Variants in ANKRD30B observed in about 807,000 individuals in gnomAD.
The protein encoded by ANKRD30B is ankyrin repeat domain 30B, also known as ankyrin repeat domain-containing protein 30B.
A neutral mutation model predicts 202.2 loss-of-function variants in ANKRD30B; 144 were observed. That is an observed-to-expected ratio of 0.71 (90% CI 0.62 to 0.82). ANKRD30B has a LOEUF of 0.82. Among genes scored for constraint, ANKRD30B ranks in the 40% least tolerant of loss-of-function variants. The pLI, the probability that ANKRD30B is intolerant of heterozygous loss-of-function variation, is 0.00. For missense variants in ANKRD30B, 1,487 were observed against 1,669.1 expected, an observed-to-expected ratio of 0.89 and a Z score of 1.90; for synonymous variants, 508 against 561.3, an observed-to-expected ratio of 0.91 and a Z score of 1.34.
chr18:14,783,644 A>G (rs1967894160), intron 12 of ANKRD30B, among the ~76,000 whole-genome samples: 2 of 152,128 alleles, frequency 1.3e-5, no homozygotes, highest in Non-Finnish European at 2.9e-5. Flanking sequence ...AACAATATAA[A>G]AAGTTATTTA....
intron 9 of ANKRD30B, among the ~76,000 whole-genome samples, chr18:14,775,545 T>A (rs1382107335): frequency 2.0e-5 from 3 of 152,246 alleles, no homozygotes; most frequent in African/African-American, 2.4e-5. Context: ...GGAACATTTC[T>A]GGAGTTGGAT....
intron 22 of ANKRD30B, among the ~76,000 whole-genome samples, chr18:14,800,603 C>T (rs1191952864): frequency 2.0e-5 from 3 of 150,484 alleles, no homozygotes; most frequent in Admixed American, 2.0e-4. Context: ...GGATTAGAGG[C>T]GTGAGCCACC....
chr18:14,929,862 G>A, the ANKRD30B span, among the ~76,000 whole-genome samples: 1 of 152,096 alleles, frequency 6.6e-6, no homozygotes, highest in Admixed American at 6.6e-5. Context: ...TGGTGACTGG[G>A]GAAATGATCC....
chr18:14,758,001 G>T, intron 5 of ANKRD30B, 49 bp downstream of exon 5: 1 of 1,525,210 alleles, frequency 6.6e-7, no homozygotes, highest in Non-Finnish European at 8.8e-7. Flanking sequence ...GTTTGTTTCA[G>T]GGAGTTTTTG....
downstream of ANKRD30B, among the ~76,000 whole-genome samples, chr18:14,858,648 A>AG (rs1384762197): frequency 4.4e-5 from 5 of 114,144 alleles, no homozygotes; most frequent in Admixed American, 4.3e-4. Flanking sequence ...TACCAGACGA[A>AG]GGGCAGCCAG....
the ANKRD30B span, among the ~76,000 whole-genome samples, chr18:14,881,018 A>T: frequency 1.3e-5 from 2 of 152,302 alleles, no homozygotes; most frequent in South Asian, 4.1e-4. Context: ...GAGAAAGGTC[A>T]TATCGTCAGC....
At chr18:14,829,264 G>GA (rs1764650499) in intron 33 of ANKRD30B, among the ~76,000 whole-genome samples, 1 of 152,166 alleles carries the variant, frequency 6.6e-6, no homozygotes, top group Non-Finnish European at 1.5e-5. Context: ...TAATATCCTG[G>GA]AAAAATTGTT....
At chr18:14,882,055 C>T in the ANKRD30B span, among the ~76,000 whole-genome samples, 7 of 152,104 alleles carry the variant, frequency 4.6e-5, no homozygotes, top group African/African-American at 1.7e-4. Context: ...AAATAACCAA[C>T]TTTTTGCTTT....
In ANKRD30B at chr18:14,757,076, A is replaced by G. The variant is rs183913458; in HGVS notation, c.618-739A>G. Reference sequence around the variant, plus strand: ...ATTTATTATTTTTTTCATTTTTTTCATAGTGTATTTTTATTTTTAATTTGT... The same window carrying G: ...ATTTATTATTTTTTTCATTTTTTTCGTAGTGTATTTTTATTTTTAATTTGT... On this transcript the variant is annotated intron_variant, in intron 4 of 43. Coordinates refer to ENST00000690538, the MANE Select transcript of ANKRD30B (RefSeq NM_001367607.2). Among the ~76,000 whole-genome samples, 575 of 152,026 alleles carry G rather than the reference A, an allele frequency of 3.8e-3. 4 individuals are homozygous for G. The highest frequency in any genetic ancestry group is 5.3e-3 in the Non-Finnish European group (357 of 67,976).
At chr18:14,772,520 G>A (rs533424346) in intron 9 of ANKRD30B, among the ~76,000 whole-genome samples, 1 of 152,058 alleles carries the variant, frequency 6.6e-6, no homozygotes, top group South Asian at 2.1e-4. Context: ...CCACAATAGA[G>A]AATATATAAA....
chr18:14,769,783 T>C (rs1916818899), intron 8 of ANKRD30B, among the ~76,000 whole-genome samples: 1 of 152,216 alleles, frequency 6.6e-6, no homozygotes, highest in African/African-American at 2.4e-5. Flanking sequence ...TTTTTAGAGT[T>C]TTCTCTTAGA....
chr18:14,838,162 C>G (rs554076318), intron 36 of ANKRD30B, among the ~76,000 whole-genome samples: 224 of 152,312 alleles, frequency 1.5e-3, no homozygotes, highest in African/African-American at 5.1e-3. Context: ...TAGTGCAAAA[C>G]AAAATAAGGC....
intron 30 of ANKRD30B, among the ~76,000 whole-genome samples, chr18:14,820,986 C>G (rs1477091633): frequency 6.6e-6 from 1 of 152,162 alleles, no homozygotes; most frequent in Non-Finnish European, 1.5e-5. Flanking sequence ...GTGAATCCAT[C>G]TGGTCCTGGA....
chr18:14,773,497 A>G (rs1320581680), intron 9 of ANKRD30B, among the ~76,000 whole-genome samples: 2 of 152,200 alleles, frequency 1.3e-5, no homozygotes, highest in Admixed American at 1.3e-4. Flanking sequence ...GCTTAAATTT[A>G]TATTTTCTTT....
chr18:14,830,583 T>G (rs1194249267), intron 33 of ANKRD30B, among the ~76,000 whole-genome samples: 1 of 152,156 alleles, frequency 6.6e-6, no homozygotes, highest in East Asian at 1.9e-4. Flanking sequence ...AAACAAAGAA[T>G]GTCATTTTCC....
Position 14,823,460 on chromosome 18 carries a change from G to A in ANKRD30B, c.2743+783G>A, listed in dbSNP as rs937050152. On this transcript the variant is annotated intron_variant, in intron 32 of 43. Coordinates refer to ENST00000690538, the MANE Select transcript of ANKRD30B (RefSeq NM_001367607.2). The stretch of plus-strand genomic sequence containing the variant: ...TCACTCTGAGAATCTAAAGAAAATC[G>A]GTTTCTTGTTTTTCTGATTAGGTGA... Among the ~76,000 whole-genome samples, 33 of 151,620 alleles carry A rather than the reference G, an allele frequency of 2.2e-4. 1 individual carries two copies. The highest frequency in any genetic ancestry group is 4.3e-4 in the Non-Finnish European group (29 of 67,926).
At position 14,837,242 on chromosome 18, in the gene ANKRD30B, A is replaced by G. The variant is rs2253874; in HGVS notation, c.2879A>G (p.Gln960Arg). 2 of 1,549,908 alleles carry G rather than the reference A, an allele frequency of 1.3e-6. No individual in the cohort carries two copies. Among genetic ancestry groups the G allele is most frequent in the Non-Finnish European group, 1.7e-6 (2 of 1,146,170 alleles). ...EGATKTVTGQQERDIGIIERA... is the reference protein window; with the variant it reads ...EGATKTVTGQRERDIGIIERA... The stretch of plus-strand genomic sequence containing the variant: ...GCAACAAAGACAGTAACTGGACAAC[A>G]GGAACGTGATATTGGCATTATTGAA... The change falls in exon 35 of 44, where the codon CAG becomes CGG. Residue 960 changes from glutamine to arginine, a missense_variant. Around this residue, in one of 6 missense-constraint regions of ANKRD30B, gnomAD observed 218 missense variants for 320.1 expected, o/e 0.68. Coordinates refer to ENST00000690538, the MANE Select transcript of ANKRD30B (RefSeq NM_001367607.2).
At chr18:14,797,305 G>A (rs1344629629) in intron 18 of ANKRD30B, among the ~76,000 whole-genome samples, 8 of 152,070 alleles carry the variant, frequency 5.3e-5, no homozygotes, top group African/African-American at 1.2e-4. Flanking sequence ...TCTTGGTGAC[G>A]CGAAACCTCC....
the ANKRD30B span, among the ~76,000 whole-genome samples, chr18:14,871,179 T>A: frequency 4.0e-5 from 1 of 25,048 alleles, no homozygotes; most frequent in Non-Finnish European, 9.1e-5. Context: ...CGGCACACCC[T>A]CACCCGCACA....
Sources: allele counts gnomAD v4.1 joint callset (sites outside exome capture counted in the v4.1 genomes callset), GRCh38; gene constraint gnomAD v4.1.1; regional missense constraint gnomAD v4.1.1; transcripts MANE v1.5; gene names NCBI Gene and HGNC (gene_info 2026-07-23, HGNC 2026-07-21).